The following CLVS1 variants were observed in gnomAD, a reference collection of about 807,000 sequenced individuals.
CLVS1 encodes clavesin 1.
In CLVS1, 10 loss-of-function variants were observed where a neutral mutation model predicts 33.1. The observed-to-expected ratio is 0.30, with a 90% CI of 0.19 to 0.51. The LOEUF (loss-of-function observed/expected upper bound fraction) is 0.51. CLVS1 is among the 20% of genes least tolerant of loss of function. The pLI is 0.97. For synonymous variants in CLVS1, 163 were observed against 166.1 expected (o/e 0.98, Z 0.14); for missense variants, 343 against 433.4 (o/e 0.79, Z 1.85).
At chr8:61,353,338 CTAAG>C (rs1295684661) in intron 2 of CLVS1, among the ~76,000 whole-genome samples, 5 of 152,056 alleles carry the variant, frequency 3.3e-5, no homozygotes, top group East Asian at 1.9e-4. Context: ...TGAAATCATA[CTAAG>C]TGTTTTGTCT....
intron 2 of CLVS1, among the ~76,000 whole-genome samples, chr8:61,216,666 A>G (rs1808095965): frequency 6.6e-6 from 1 of 152,210 alleles, no homozygotes; most frequent in Non-Finnish European, 1.5e-5. Flanking sequence ...TGTAGCTATA[A>G]CAAGGATTTG....
At chr8:61,433,268 T>G (rs1816183952) in intron 3 of CLVS1, among the ~76,000 whole-genome samples, 1 of 152,230 alleles carries the variant, frequency 6.6e-6, no homozygotes, top group Non-Finnish European at 1.5e-5. Flanking sequence ...GTTGCATTCT[T>G]GTAAGGCTTG....
intron 1 of CLVS1, among the ~76,000 whole-genome samples, chr8:61,099,065 C>T (rs1254214094): frequency 1.3e-5 from 2 of 152,052 alleles, no homozygotes; most frequent in Non-Finnish European, 2.9e-5. Context: ...TTTGGCCAAG[C>T]AGAAATGAAA....
chr8:61,300,334 A>G, intron 2 of CLVS1, 52 bp downstream of exon 2: 1 of 1,457,904 alleles, frequency 6.9e-7, no homozygotes, highest in Non-Finnish European at 9.3e-7. Flanking sequence ...AAGCATTATC[A>G]CTGCATGTTT....
intron 2 of CLVS1, among the ~76,000 whole-genome samples, chr8:61,375,329 C>T (rs986599205): frequency 6.6e-6 from 1 of 150,924 alleles, no homozygotes; most frequent in Non-Finnish European, 1.5e-5. Flanking sequence ...CAGCTCACTG[C>T]AACCTTCACC....
chr8:61,196,070 G>T (rs1182802502), intron 2 of CLVS1, among the ~76,000 whole-genome samples: 1 of 152,010 alleles, frequency 6.6e-6, no homozygotes, highest in African/African-American at 2.4e-5. Flanking sequence ...TATTATGTTA[G>T]AAAGGAAACA....
At chr8:61,293,913 T>A (rs774555385) in intron 1 of CLVS1, among the ~76,000 whole-genome samples, 9 of 152,180 alleles carry the variant, frequency 5.9e-5, no homozygotes, top group South Asian at 4.1e-4. Context: ...TTTAAATTTA[T>A]GTGTACTTAA....
At chr8:61,052,102 G>T in the CLVS1 span, among the ~76,000 whole-genome samples, 2 of 152,184 alleles carry the variant, frequency 1.3e-5, no homozygotes, top group Admixed American at 1.3e-4. Flanking sequence ...TGAGGTCACC[G>T]CACCCCGTGG....
At chr8:61,290,617 T>A (rs1378778617) in intron 1 of CLVS1, among the ~76,000 whole-genome samples, 1 of 152,178 alleles carries the variant, frequency 6.6e-6, no homozygotes, top group Non-Finnish European at 1.5e-5. Context: ...CACTTTATTA[T>A]CCCTAAGAAG....
At chr8:61,220,916 G>T (rs1447121507) in intron 2 of CLVS1, among the ~76,000 whole-genome samples, 2 of 152,024 alleles carry the variant, frequency 1.3e-5, no homozygotes, top group Non-Finnish European at 2.9e-5. Context: ...TATTCTCTTT[G>T]TAGTGCTTAT....
the CLVS1 span, among the ~76,000 whole-genome samples, chr8:60,996,699 T>G: frequency 6.6e-6 from 1 of 152,190 alleles, no homozygotes; most frequent in South Asian, 2.1e-4. Flanking sequence ...TGGCTCTCTG[T>G]CACTCAAAAT....
intron 3 of CLVS1, among the ~76,000 whole-genome samples, chr8:61,390,640 T>G (rs932667230): frequency 1.3e-5 from 2 of 152,250 alleles, no homozygotes; most frequent in Non-Finnish European, 2.9e-5. Context: ...CTTTGATTAC[T>G]AGTGAGGTGG....
At chr8:61,433,666 G>T (rs868353752) in intron 3 of CLVS1, among the ~76,000 whole-genome samples, 1 of 152,112 alleles carries the variant, frequency 6.6e-6, no homozygotes, top group Non-Finnish European at 1.5e-5. Flanking sequence ...AAGCTGGGAG[G>T]ATGTGGCCCC....
chr8:61,023,702 G>A, the CLVS1 span, among the ~76,000 whole-genome samples: 1 of 152,180 alleles, frequency 6.6e-6, no homozygotes, highest in Non-Finnish European at 1.5e-5. Flanking sequence ...GCTGTTTTCT[G>A]CACGGCCGCC....
At chr8:61,058,922 A>G (rs1029762279) in intron 1 of CLVS1, among the ~76,000 whole-genome samples, 3 of 152,176 alleles carry the variant, frequency 2.0e-5, no homozygotes, top group African/African-American at 7.2e-5. Context: ...TAGATATTAT[A>G]CAGTTTGTTT....
At chr8:61,191,404 CCA>C (rs1807473378) in intron 2 of CLVS1, among the ~76,000 whole-genome samples, 1 of 152,178 alleles carries the variant, frequency 6.6e-6, no homozygotes, top group Admixed American at 6.5e-5. Flanking sequence ...TATGACAAAC[CCA>C]CAGTCAATAT....
At chr8:61,393,192 G>A (rs1161436737) in intron 3 of CLVS1, among the ~76,000 whole-genome samples, 1 of 151,996 alleles carries the variant, frequency 6.6e-6, no homozygotes, top group East Asian at 1.9e-4. Context: ...GAATTCTATT[G>A]TTGAAACTTT....
chr8:60,974,696 A>C, the CLVS1 span, among the ~76,000 whole-genome samples: 1 of 152,024 alleles, frequency 6.6e-6, no homozygotes, highest in Middle Eastern at 3.4e-3. Context: ...AGAGAATGGC[A>C]TGAACCCGGG....
At chr8:61,242,946 C>CT (rs1808728477) in intron 2 of CLVS1, among the ~76,000 whole-genome samples, 1 of 148,766 alleles carries the variant, frequency 6.7e-6, no homozygotes, top group Non-Finnish European at 1.5e-5. Flanking sequence ...TAACACTAGT[C>CT]TAGTTCATCT....
Sources: gnomAD v4.1 joint callset for allele counts (sites outside exome capture counted in the v4.1 genomes callset) on GRCh38, gnomAD v4.1.1 for gene constraint, MANE v1.5 for transcripts, NCBI Gene and HGNC (gene_info 2026-07-23, HGNC 2026-07-21) for gene names.